HS6ST3: variants seen among roughly 807,000 people sequenced by gnomAD.
HS6ST3 encodes heparan sulfate 6-O-sulfotransferase 3, also known as heparan-sulfate 6-O-sulfotransferase 3.
HS6ST3 carries 12 observed loss-of-function variants against 36.7 expected under a neutral mutation model. That is an observed-to-expected ratio of 0.33 (90% confidence interval 0.21 to 0.53). The LOEUF (loss-of-function observed/expected upper bound fraction) is 0.53. Among genes scored for constraint, HS6ST3 ranks in the 20% least tolerant of loss-of-function variants. The pLI, the probability that HS6ST3 is intolerant of heterozygous loss-of-function variation, is 0.95. For synonymous variants in HS6ST3, 240 were observed against 257.5 expected, an observed-to-expected ratio of 0.93 and a Z score of 0.65; for missense variants, 584 against 640.9, an observed-to-expected ratio of 0.91 and a Z score of 0.96.
intron 1 of HS6ST3, among the ~76,000 whole-genome samples, chr13:96,148,395 A>C (rs1431344415): frequency 6.6e-6 from 1 of 152,206 alleles, no homozygotes; most frequent in African/African-American, 2.4e-5. Flanking sequence ...GAACATGGTC[A>C]GGCAGAAATA....
Position 96,385,211 on chromosome 13 carries a change from A to G in HS6ST3, c.707+293642A>G, listed in dbSNP as rs192416211. On this transcript the variant is annotated intron_variant, in intron 1 of 1. Coordinates refer to ENST00000376705, the MANE Select transcript of HS6ST3 (RefSeq NM_153456.4). ...AAAAAAAAAAGAAAAGATTTTTTTC[A>G]AGATTAAAATAAGTTTTCCAAGTGG... 5.9e-4 allele frequency among the ~76,000 whole-genome samples: 90 copies of G among 151,662 alleles called. 2 individuals are homozygous for G. The highest frequency in any genetic ancestry group is 2.1e-3 in the African/African-American group (88 of 41,370).
intron 1 of HS6ST3, among the ~76,000 whole-genome samples, chr13:96,306,244 C>T (rs945381928): frequency 4.6e-5 from 7 of 151,922 alleles, no homozygotes; most frequent in Admixed American, 3.9e-4. Flanking sequence ...GCTGGGACTA[C>T]AGGTGCATGC....
chr13:96,424,883 G>C (rs1265164578), intron 1 of HS6ST3, among the ~76,000 whole-genome samples: 4 of 151,972 alleles, frequency 2.6e-5, no homozygotes. Context: ...TTTTTCCATT[G>C]AGCAATATTC....
At chr13:96,574,746 T>C (rs958657215) in intron 1 of HS6ST3, among the ~76,000 whole-genome samples, 4 of 152,106 alleles carry the variant, frequency 2.6e-5, no homozygotes, top group African/African-American at 9.7e-5. Flanking sequence ...GGACTGGGGC[T>C]CCTCCCTGAC....
chr13:96,222,255 A>C (rs1318182394), intron 1 of HS6ST3, among the ~76,000 whole-genome samples: 4 of 152,152 alleles, frequency 2.6e-5, no homozygotes, highest in Non-Finnish European at 5.9e-5. Flanking sequence ...GGGACAAACT[A>C]CATAAGACAA....
At chr13:96,541,133 A>C (rs937239965) in intron 1 of HS6ST3, among the ~76,000 whole-genome samples, 7 of 152,098 alleles carry the variant, frequency 4.6e-5, no homozygotes, top group Non-Finnish European at 7.4e-5. Flanking sequence ...CCCGGGTTCA[A>C]GTGATTCTCC....
intron 1 of HS6ST3, among the ~76,000 whole-genome samples, chr13:96,271,068 G>A (rs181678343): frequency 1.8e-4 from 28 of 151,982 alleles, no homozygotes; most frequent in Non-Finnish European, 2.9e-4. Context: ...TGACAGTTTG[G>A]TAAATGTTTA....
At chr13:96,091,962 A>T (rs999945579) in intron 1 of HS6ST3, among the ~76,000 whole-genome samples, 5 of 152,068 alleles carry the variant, frequency 3.3e-5, no homozygotes, top group African/African-American at 1.2e-4. Context: ...GGGAGTGTAA[A>T]CCCAAACCCA....
intron 1 of HS6ST3, among the ~76,000 whole-genome samples, chr13:96,231,484 T>C (rs1472103620): frequency 2.6e-5 from 4 of 151,958 alleles, no homozygotes; most frequent in Non-Finnish European, 5.9e-5. Flanking sequence ...GGGAAGCAGG[T>C]GTGTCTTACA....
At chr13:96,711,879 A>G (rs1875570852) in intron 1 of HS6ST3, among the ~76,000 whole-genome samples, 2 of 152,220 alleles carry the variant, frequency 1.3e-5, no homozygotes, top group Non-Finnish European at 2.9e-5. Flanking sequence ...GATTGTGACC[A>G]ACCTGAATTA....
At chr13:96,372,372 G>T (rs2055294171) in intron 1 of HS6ST3, among the ~76,000 whole-genome samples, 1 of 151,778 alleles carries the variant, frequency 6.6e-6, no homozygotes, top group Non-Finnish European at 1.5e-5. Context: ...TGTATATTTT[G>T]GATACTAATT....
intron 1 of HS6ST3, among the ~76,000 whole-genome samples, chr13:96,162,472 G>A (rs1407878295): frequency 6.6e-6 from 1 of 152,174 alleles, no homozygotes. Context: ...GGACCTTTGG[G>A]TTTGGAGGTG....
intron 1 of HS6ST3, among the ~76,000 whole-genome samples, chr13:96,773,109 C>T (rs1877304693): frequency 6.6e-6 from 1 of 152,154 alleles, no homozygotes; most frequent in African/African-American, 2.4e-5. Context: ...AGGGACTGTG[C>T]CATGAGGAAT....
At chr13:96,806,565 C>G (rs1291938152) in intron 1 of HS6ST3, among the ~76,000 whole-genome samples, 1 of 152,072 alleles carries the variant, frequency 6.6e-6, no homozygotes, top group Non-Finnish European at 1.5e-5. Flanking sequence ...AGGATCTAGT[C>G]AAGTTATTGT....
intron 1 of HS6ST3, among the ~76,000 whole-genome samples, chr13:96,689,287 T>C (rs1336299382): frequency 1.3e-5 from 2 of 152,060 alleles, no homozygotes; most frequent in Non-Finnish European, 2.9e-5. Flanking sequence ...CAGTAATCTC[T>C]TTACAGCTAG....
At chr13:96,716,113 T>A (rs1258359647) in intron 1 of HS6ST3, among the ~76,000 whole-genome samples, 1 of 152,150 alleles carries the variant, frequency 6.6e-6, no homozygotes, top group African/African-American at 2.4e-5. Context: ...GTTTTATTCT[T>A]TTTCTCATAT....
At chr13:96,617,501 T>C (rs2056478769) in intron 1 of HS6ST3, among the ~76,000 whole-genome samples, 1 of 150,560 alleles carries the variant, frequency 6.6e-6, no homozygotes, top group South Asian at 2.1e-4. Flanking sequence ...CTTTCACTAA[T>C]GTTCCTTCCT....
intron 1 of HS6ST3, among the ~76,000 whole-genome samples, chr13:96,166,432 C>A (rs913606529): frequency 3.3e-5 from 5 of 152,186 alleles, no homozygotes; most frequent in Admixed American, 2.0e-4. Flanking sequence ...AAGCCCTTTG[C>A]ACAGAATGGG....
chr13:96,457,903 T>A (rs1004420002), intron 1 of HS6ST3, among the ~76,000 whole-genome samples: 1 of 152,124 alleles, frequency 6.6e-6, no homozygotes, highest in African/African-American at 2.4e-5. Flanking sequence ...TTCATTGAGT[T>A]TTTTTATTTT....
Sources: gnomAD v4.1 joint callset for allele counts (sites outside exome capture counted in the v4.1 genomes callset) on GRCh38, gnomAD v4.1.1 for gene constraint, MANE v1.5 for transcripts, NCBI Gene and HGNC (gene_info 2026-07-23, HGNC 2026-07-21) for gene names.